WDR7: variants seen among roughly 807,000 people sequenced by gnomAD.
WDR7 encodes the protein WD repeat-containing protein 7.
Under a neutral mutation model 169.4 loss-of-function variants are expected in WDR7, and 46 were observed. The ratio of observed to expected loss-of-function variants is 0.27; its 90% CI spans 0.21 to 0.35. The LOEUF is 0.35. Ranked by LOEUF, WDR7 falls within the 10% of genes least tolerant of loss-of-function variation. WDR7 has a pLI of 1.00. For synonymous variants in WDR7, 612 were observed against 666.8 expected, an observed-to-expected ratio of 0.92 and a Z score of 1.27; for missense variants, 1,534 against 1,859.3, an observed-to-expected ratio of 0.83 and a Z score of 3.22.
intron 26 of WDR7, among the ~76,000 whole-genome samples, chr18:57,015,046 C>G (rs975701736): frequency 6.6e-6 from 1 of 152,160 alleles, no homozygotes; most frequent in Admixed American, 6.5e-5. Context: ...AATTCCCTGA[C>G]AGCACACATT....
intron 12 of WDR7, among the ~76,000 whole-genome samples, chr18:56,706,240 C>G (rs7240165): frequency 6.6e-6 from 1 of 152,138 alleles, no homozygotes; most frequent in Non-Finnish European, 1.5e-5. Context: ...AAAAAAAGAA[C>G]AAACAACAAA....
Position 56,935,925 on chromosome 18 carries a change from G to A in WDR7, c.3831+20G>A. The A allele has an allele frequency of 6.3e-7, 1 of 1,591,802 alleles. No homozygotes were observed. Among genetic ancestry groups the A allele is most frequent in the Non-Finnish European group, 8.6e-7 (1 of 1,164,452 alleles). ...AAAGAGGTGAGCGGAACTTCTCAGT[G>A]TGCTCCATCTTCTCATTTAGAGGAA... On this transcript the variant is annotated intron_variant, in intron 23 of 27. Transcript: ENST00000254442.
chr18:56,995,825 A>T (rs1372906190), intron 26 of WDR7, among the ~76,000 whole-genome samples: 1 of 152,150 alleles, frequency 6.6e-6, no homozygotes, highest in Non-Finnish European at 1.5e-5. Context: ...GCTTGGTGTG[A>T]TGTGTGCATG....
chr18:56,813,193 C>T (rs1410307249), intron 19 of WDR7, among the ~76,000 whole-genome samples: 1 of 136,130 alleles, frequency 7.3e-6, no homozygotes, highest in Non-Finnish European at 1.6e-5. Flanking sequence ...AAAAAAAAAA[C>T]ATTAAAAAAA....
chr18:56,902,628 C>T (rs2145569189), intron 21 of WDR7, among the ~76,000 whole-genome samples: 1 of 152,174 alleles, frequency 6.6e-6, no homozygotes, highest in East Asian at 1.9e-4. Context: ...TTTTGAGGGT[C>T]AAAGATGGTC....
chr18:56,766,310 A>G (rs1348749605), intron 16 of WDR7, among the ~76,000 whole-genome samples: 1 of 152,102 alleles, frequency 6.6e-6, no homozygotes, highest in Non-Finnish European at 1.5e-5. Flanking sequence ...AAAATTTTCA[A>G]TAATTATTTC....
At chr18:56,862,593 T>C (rs2045823404) in intron 20 of WDR7, among the ~76,000 whole-genome samples, 1 of 151,798 alleles carries the variant, frequency 6.6e-6, no homozygotes, top group Non-Finnish European at 1.5e-5. Context: ...ATGAAAAATA[T>C]AAAATAAAAC....
intron 2 of WDR7, among the ~76,000 whole-genome samples, chr18:56,677,401 G>C (rs755197338): frequency 2.0e-5 from 3 of 152,192 alleles, no homozygotes; most frequent in African/African-American, 2.4e-5. Context: ...CCAGGCTGAA[G>C]TGCAGTGGCG....
chr18:56,691,611 T>A (rs773665063), intron 8 of WDR7, 104 bp from the exon 9 acceptor site: 723 of 995,196 alleles, frequency 7.3e-4, no homozygotes, highest in Non-Finnish European at 8.6e-4. Context: ...AACTATAATT[T>A]AAAAATCCCC....
chr18:56,938,348 A>G (rs2046986673), intron 23 of WDR7, among the ~76,000 whole-genome samples, 185 bp from the exon 24 acceptor site: 2 of 152,322 alleles, frequency 1.3e-5, no homozygotes, highest in South Asian at 2.1e-4. Context: ...ACAGAATTCT[A>G]TTAGGCAATA....
At chr18:56,751,661 T>G (rs2043795267) in intron 14 of WDR7, among the ~76,000 whole-genome samples, 1 of 152,194 alleles carries the variant, frequency 6.6e-6, no homozygotes, top group African/African-American at 2.4e-5. Flanking sequence ...TAACAACAGC[T>G]TTGTATGTGG....
At position 56,679,382 on chromosome 18, in the gene WDR7, G is replaced by T. The variant is rs756943218; in HGVS notation, c.210G>T (p.Leu70Phe). The T allele has an allele frequency of 1.6e-5, 26 of 1,612,344 alleles. No homozygotes were observed. The highest frequency in any genetic ancestry group is 2.1e-5 in the Non-Finnish European group (25 of 1,178,690). The stretch of plus-strand genomic sequence containing the variant: ...GTCATACAGCATCAATCACTTGTTT[G>T]TCTAAAGCTTGTGCTTCCAGTGACA... ...LFGHTASITC[L>F]SKACASSDKQ... The change falls in exon 3 of 28, where the codon TTG becomes TTT. Residue 70 changes from leucine (L) to phenylalanine (F), a missense_variant. Transcript: ENST00000254442.
chr18:56,757,386 T>A (rs1279879521), intron 15 of WDR7, 34 bp downstream of exon 15: 2 of 1,500,324 alleles, frequency 1.3e-6, no homozygotes, highest in Non-Finnish European at 1.8e-6. Flanking sequence ...TATTCTTAAG[T>A]TTCAAAAAAA....
rs530519974 is a variant in WDR7, at chr18:56,903,506, G to A, written c.3527-20416G>A. Among the ~76,000 whole-genome samples, 204 of 152,034 alleles carry A rather than the reference G, an allele frequency of 1.3e-3. 1 individual carries two copies. The highest frequency in any genetic ancestry group is 2.2e-3 in the Non-Finnish European group (149 of 67,980). On this transcript the variant is annotated intron_variant, in intron 21 of 27. Transcript: ENST00000254442. Reference sequence around the variant, plus strand: ...GTGATCTCGACTCACTGCAGCCTCCGCCACCTGGGTTCAAGTGATTCTTCT... The same window carrying A: ...GTGATCTCGACTCACTGCAGCCTCCACCACCTGGGTTCAAGTGATTCTTCT...
intron 14 of WDR7, among the ~76,000 whole-genome samples, chr18:56,756,091 C>T (rs577946762): frequency 2.0e-5 from 3 of 152,148 alleles, no homozygotes; most frequent in South Asian, 2.1e-4. Context: ...TCTAAGTAGA[C>T]TGTAATATGT....
chr18:56,689,009 A>G (rs575240887), intron 7 of WDR7, among the ~76,000 whole-genome samples: 1 of 152,332 alleles, frequency 6.6e-6, no homozygotes, highest in Admixed American at 6.5e-5. Context: ...ATCAGGAAGA[A>G]AACTACGGAA....
intron 20 of WDR7, chr18:56,872,665 C>T (rs2145448537): frequency 6.6e-6 from 1 of 152,236 alleles, no homozygotes; most frequent in South Asian, 2.1e-4. Context: ...CCTTTACCAT[C>T]GCATATAGCT....
intron 22 of WDR7, 95 bp downstream of exon 22, chr18:56,924,203 T>C (rs1321444992): frequency 1.5e-6 from 2 of 1,343,730 alleles, no homozygotes; most frequent in Non-Finnish European, 2.0e-6. Flanking sequence ...AGATTGTGCA[T>C]GTTTAATAGA....
At chr18:56,894,826 T>C (rs1022903230) in intron 21 of WDR7, among the ~76,000 whole-genome samples, 2 of 152,104 alleles carry the variant, frequency 1.3e-5, no homozygotes, top group Non-Finnish European at 2.9e-5. Context: ...CTAATCTTTT[T>C]GAAAGTGTAT....
Sources: gnomAD v4.1 joint callset for allele counts (sites outside exome capture counted in the v4.1 genomes callset) on GRCh38, gnomAD v4.1.1 for gene constraint, MANE v1.5 for transcripts, NCBI Gene and HGNC (gene_info 2026-07-23, HGNC 2026-07-21) for gene names.